PHF14: variants seen among roughly 807,000 people sequenced by gnomAD.
PHF14 encodes the protein PHD finger protein 14.
In PHF14, 55 loss-of-function variants were observed where a neutral mutation model predicts 117.9. The ratio of observed to expected loss-of-function variants is 0.47; its 90% CI spans 0.38 to 0.58. PHF14 has a LOEUF of 0.58. PHF14 is among the 20% of genes least tolerant of loss of function. PHF14 has a pLI of 0.00. For missense variants in PHF14, 978 were observed against 1,122.2 expected, an observed-to-expected ratio of 0.87 and a Z score of 1.84; for synonymous variants, 409 against 368.6, an observed-to-expected ratio of 1.11 and a Z score of -1.26.
chr7:11,062,839 C>G, intron 16 of PHF14: 1 of 984,984 alleles, frequency 1.0e-6, no homozygotes, highest in Non-Finnish European at 1.2e-6. Context: ...ATCAGACTTT[C>G]AAAGGACAGT....
intron 17 of PHF14, among the ~76,000 whole-genome samples, chr7:11,153,551 G>T (rs73286525): frequency 0.11 from 16,153 of 151,976 alleles, 1,156 homozygotes; most frequent in African/African-American, 0.2. Flanking sequence ...AAATGGGAAA[G>T]TCATCATAAA....
intron 16 of PHF14, chr7:11,071,294 T>G (rs1423251344): frequency 1.9e-6 from 1 of 518,598 alleles, no homozygotes; most frequent in Non-Finnish European, 3.9e-6. Flanking sequence ...TTTATTTACA[T>G]TTGATCACAA....
chr7:11,003,391 T>C (rs949388268), intron 4 of PHF14, among the ~76,000 whole-genome samples: 11 of 152,234 alleles, frequency 7.2e-5, no homozygotes, highest in Non-Finnish European at 1.6e-4. Flanking sequence ...TCCACAAATA[T>C]AACCTAAATA....
chr7:11,038,932 A>G (rs894329198), intron 11 of PHF14, 77 bp downstream of exon 11: 24 of 606,272 alleles, frequency 4.0e-5, no homozygotes, highest in African/African-American at 2.7e-4. Flanking sequence ...TTTTGATACA[A>G]CTGTCATTTG....
intron 3 of PHF14, among the ~76,000 whole-genome samples, chr7:10,990,323 T>G (rs1239522189): frequency 1.3e-5 from 2 of 152,194 alleles, no homozygotes; most frequent in African/African-American, 2.4e-5. Flanking sequence ...TTAAAACACA[T>G]GTATAGGATC....
chr7:11,015,508 A>G (rs1363149033), intron 5 of PHF14, among the ~76,000 whole-genome samples: 1 of 152,170 alleles, frequency 6.6e-6, no homozygotes, highest in Non-Finnish European at 1.5e-5. Flanking sequence ...GCCTAGTATT[A>G]GGGAGTTTAG....
At chr7:11,020,882 C>G (rs1205000348) in intron 5 of PHF14, among the ~76,000 whole-genome samples, 1 of 152,148 alleles carries the variant, frequency 6.6e-6, no homozygotes, top group Non-Finnish European at 1.5e-5. Context: ...GTGAGCCACA[C>G]TCTGCTGTAA....
intron 16 of PHF14, among the ~76,000 whole-genome samples, chr7:11,075,180 CCTT>C (rs1274963062): frequency 6.6e-6 from 1 of 152,074 alleles, no homozygotes; most frequent in East Asian, 1.9e-4. Flanking sequence ...CTCAGGCAAT[CCTT>C]CTGCCTCATC....
At position 11,092,865 on chromosome 7, in the gene PHF14, A is replaced by G. The variant is rs553006542; in HGVS notation, c.2655-18485A>G. Among the ~76,000 whole-genome samples the G allele has an allele frequency of 2.0e-5, 3 of 152,316 alleles. 1 individual carries two copies. The South Asian group carries it at 6.2e-4, about 32-fold the overall frequency. On this transcript the variant is annotated intron_variant, in intron 16 of 17. Coordinates refer to ENST00000634607, the MANE Select transcript of PHF14 (RefSeq NM_001007157.2). ...AGGTGCTGATAAACTCAGAATTATT[A>G]AAAGCTCTTTTTGTAAAGTAACACA...
intron 17 of PHF14, among the ~76,000 whole-genome samples, chr7:11,140,026 G>T (rs1788353418): frequency 6.6e-6 from 1 of 152,008 alleles, no homozygotes; most frequent in Admixed American, 6.5e-5. Context: ...AGAAATACAT[G>T]TTACCCTGTA....
intron 1 of PHF14, among the ~76,000 whole-genome samples, chr7:10,974,588 G>C (rs17163854): frequency 0.014 from 2,159 of 152,238 alleles, 53 homozygotes; most frequent in East Asian, 0.12. Context: ...GGTCAGCTTC[G>C]ATTTTAGCTG....
intron 17 of PHF14, among the ~76,000 whole-genome samples, chr7:11,152,764 CA>C (rs1333218540): frequency 6.6e-6 from 1 of 152,092 alleles, no homozygotes; most frequent in African/African-American, 2.4e-5. Context: ...TTATGGAAAA[CA>C]ATCTGAGTGA....
intron 4 of PHF14, among the ~76,000 whole-genome samples, chr7:11,005,461 G>A (rs1044511118): frequency 3.3e-5 from 5 of 152,162 alleles, no homozygotes; most frequent in Non-Finnish European, 7.3e-5. Context: ...AGGCCCTTGT[G>A]TATACACAAA....
At chr7:11,137,335 A>G (rs1369089140) in intron 17 of PHF14, among the ~76,000 whole-genome samples, 1 of 151,592 alleles carries the variant, frequency 6.6e-6, no homozygotes, top group Admixed American at 6.6e-5. Context: ...CTTATGCTTG[A>G]TCTTAAGTGC....
chr7:11,096,712 G>C (rs17347241), intron 16 of PHF14, among the ~76,000 whole-genome samples: 7 of 152,006 alleles, frequency 4.6e-5, no homozygotes, highest in Non-Finnish European at 1.0e-4. Context: ...TGGATATATC[G>C]AGTTTTTATA....
At chr7:11,093,607 C>G (rs1422372310) in intron 16 of PHF14, among the ~76,000 whole-genome samples, 2 of 152,180 alleles carry the variant, frequency 1.3e-5, no homozygotes, top group African/African-American at 4.8e-5. Context: ...CCCCATTGCA[C>G]TGTCTTTCCT....
intron 3 of PHF14, among the ~76,000 whole-genome samples, chr7:10,986,377 GCA>G (rs1782227749): frequency 6.6e-6 from 1 of 152,238 alleles, no homozygotes; most frequent in Non-Finnish European, 1.5e-5. Flanking sequence ...AACTGAGGAA[GCA>G]CACAAGTTAT....
chr7:11,038,770 C>G lies in PHF14; in HGVS notation c.1991C>G (p.Ser664Cys), dbSNP rs930215758. ...TGGCTTACTTTGTAGCTATGTGAAT[C>G]TTTAGAAGAACTACAAAACCTGAAT... ...LHVEYNKLCE[S>C]LEELQNLNGK... The change falls in exon 11 of 18, where the codon TCT becomes TGT. Residue 664 changes from serine (S) to cysteine (C), a missense_variant. Physicochemically the swap from Ser to Cys is moderately radical, Grantham distance 112. Transcript: ENST00000634607. 3 of 1,553,862 alleles carry G rather than the reference C, an allele frequency of 1.9e-6. No individual in the cohort carries two copies. The African/African-American group carries it at 4.1e-5, about 21-fold the overall frequency.
chr7:10,989,861 C>T (rs748996528), intron 3 of PHF14, among the ~76,000 whole-genome samples: 1 of 152,084 alleles, frequency 6.6e-6, no homozygotes, highest in Non-Finnish European at 1.5e-5. Flanking sequence ...AAACTCCTGG[C>T]CTCAAGTGAT....
Sources: allele counts gnomAD v4.1 joint callset (sites outside exome capture counted in the v4.1 genomes callset), GRCh38; gene constraint gnomAD v4.1.1; transcripts MANE v1.5; gene names NCBI Gene and HGNC (gene_info 2026-07-23, HGNC 2026-07-21).